Variants in ACAP2 observed in about 807,000 individuals in gnomAD.
ACAP2 encodes arf-GAP with coiled-coil, ANK repeat and PH domain-containing protein 2.
ACAP2 carries 39 observed loss-of-function variants against 115.8 expected under a neutral mutation model. The ratio of observed to expected loss-of-function variants is 0.34; its 90% CI spans 0.26 to 0.44. ACAP2 has a LOEUF of 0.44. Among genes scored for constraint, ACAP2 ranks in the 20% least tolerant of loss-of-function variants. The pLI is 1.00. For synonymous variants in ACAP2, 289 were observed against 315.8 expected (o/e 0.92, Z 0.90); for missense variants, 662 against 927.6 (o/e 0.71, Z 3.72).
intron 1 of ACAP2, among the ~76,000 whole-genome samples, chr3:195,424,541 C>T (rs1162909526): frequency 2.0e-5 from 3 of 151,290 alleles, no homozygotes; most frequent in South Asian, 2.1e-4. Flanking sequence ...TCAGACAATC[C>T]GCCTGCTTCG....
intron 1 of ACAP2, among the ~76,000 whole-genome samples, chr3:195,415,954 C>G (rs1028009812): frequency 6.6e-6 from 1 of 151,362 alleles, no homozygotes; most frequent in Admixed American, 6.6e-5. Context: ...TTCTACAAAT[C>G]AAAAAGAAAT....
intron 11 of ACAP2, among the ~76,000 whole-genome samples, chr3:195,307,918 C>G (rs566692133): frequency 6.6e-5 from 10 of 152,250 alleles, no homozygotes; most frequent in African/African-American, 2.4e-4. Context: ...CATATTGTGT[C>G]ATCTCAAGAG....
chr3:195,409,163 C>T (rs1298126375), intron 1 of ACAP2, among the ~76,000 whole-genome samples: 1 of 150,618 alleles, frequency 6.6e-6, no homozygotes, highest in African/African-American at 2.4e-5. Flanking sequence ...TGTTTACAGA[C>T]AATATGACCT....
At chr3:195,385,175 G>A (rs529476581) in intron 2 of ACAP2, among the ~76,000 whole-genome samples, 13 of 151,988 alleles carry the variant, frequency 8.6e-5, no homozygotes, top group African/African-American at 3.1e-4. Context: ...TACTTTGGGA[G>A]GCCAAGATGG....
intron 8 of ACAP2, among the ~76,000 whole-genome samples, chr3:195,328,185 G>A (rs941875964): frequency 2.6e-5 from 4 of 151,942 alleles, no homozygotes; most frequent in African/African-American, 9.7e-5. Flanking sequence ...ACCTCTAAAT[G>A]ATTAACACAT....
intron 9 of ACAP2, among the ~76,000 whole-genome samples, 182 bp from the exon 10 acceptor site, chr3:195,320,995 TTAAAG>T (rs1347307464): frequency 5.9e-5 from 9 of 152,154 alleles, no homozygotes; most frequent in African/African-American, 2.2e-4. Flanking sequence ...TTTCAATACA[TTAAAG>T]TATTTGACTT....
intron 2 of ACAP2, among the ~76,000 whole-genome samples, chr3:195,387,306 T>C (rs1734370150): frequency 6.6e-6 from 1 of 152,192 alleles, no homozygotes; most frequent in Non-Finnish European, 1.5e-5. Flanking sequence ...ATTCAACAAC[T>C]TTTTACTAAG....
chr3:195,420,122 T>C (rs921849512), intron 1 of ACAP2, among the ~76,000 whole-genome samples: 2 of 145,662 alleles, frequency 1.4e-5, no homozygotes, highest in Non-Finnish European at 3.0e-5. Flanking sequence ...ATTTCCCCCT[T>C]TCTGTCAAGT....
intron 1 of ACAP2, among the ~76,000 whole-genome samples, chr3:195,430,873 C>G (rs62288441): frequency 0.24 from 36,503 of 152,110 alleles, 5,129 homozygotes; most frequent in East Asian, 0.72. Flanking sequence ...ACGCTTCAAA[C>G]CTTTTTCAGT....
intron 20 of ACAP2, among the ~76,000 whole-genome samples, chr3:195,291,220 T>TA (rs1318372999): frequency 3.9e-5 from 6 of 152,344 alleles, no homozygotes; most frequent in African/African-American, 9.6e-5. Flanking sequence ...CTGTGAATCT[T>TA]ACTATCGCTC....
chr3:195,400,060 C>A (rs1712145695), intron 1 of ACAP2, among the ~76,000 whole-genome samples: 1 of 151,822 alleles, frequency 6.6e-6, no homozygotes, highest in Admixed American at 6.6e-5. Flanking sequence ...TGCCTGTAAT[C>A]CCAGCTACTC....
chr3:195,395,938 T>C (rs113610849), intron 1 of ACAP2, among the ~76,000 whole-genome samples: 3 of 152,248 alleles, frequency 2.0e-5, no homozygotes, highest in South Asian at 4.1e-4. Flanking sequence ...AATTGAAAAA[T>C]AGTTACCTAA....
chr3:195,436,419 C>T (rs1025853165), intron 1 of ACAP2, among the ~76,000 whole-genome samples: 4 of 152,106 alleles, frequency 2.6e-5, no homozygotes, highest in Non-Finnish European at 5.9e-5. Flanking sequence ...CAGGAGTGAG[C>T]CACCATGCCC....
intron 21 of ACAP2, among the ~76,000 whole-genome samples, chr3:195,288,904 G>C (rs1469578079): frequency 6.6e-6 from 1 of 152,120 alleles, no homozygotes; most frequent in African/African-American, 2.4e-5. Flanking sequence ...TACATAGATA[G>C]CATTTCCATT....
At position 195,292,415 on chromosome 3, in the gene ACAP2, C is replaced by T. The variant is rs757551361; in HGVS notation, c.1803G>A (p.Ser601=). 13 of 1,611,092 alleles carry T rather than the reference C, an allele frequency of 8.1e-6. No individual in the cohort carries two copies. Among genetic ancestry groups the T allele is most frequent in the Admixed American group, 1.7e-5 (1 of 59,132 alleles). The part of the protein sequence containing the change: ...ERQDSSMFLD[S]KHLNPGLQLY... ...GCTGAAGTCCTGGATTAAGATGTTTCGAGTCAAGAAACATAGAAGAATCTT... is the reference window on the plus strand; with the variant it reads ...GCTGAAGTCCTGGATTAAGATGTTTTGAGTCAAGAAACATAGAAGAATCTT... Residue 601 remains serine (S), a synonymous_variant, in exon 19 of 23, where the codon TCG becomes TCA. Transcript: ENST00000326793.
rs1244025898 is a variant in ACAP2 at position 195,338,046 on chromosome 3, ATC to A, written c.529-1072_529-1071del. On this transcript the variant is annotated intron_variant, in intron 6 of 22. Coordinates refer to ENST00000326793, the MANE Select transcript of ACAP2 (RefSeq NM_012287.6). ...GTTCCGCCCAGATGGGTATCAGGCT[ATC>A]TCCTACCAATCAGGTCTCAAATACC... Among the ~76,000 whole-genome samples, 3 of 151,260 alleles carry A rather than the reference ATC, an allele frequency of 2.0e-5. No homozygotes were observed. The East Asian group carries it at 6.0e-4, about 30-fold the overall frequency.
At chr3:195,370,257 T>C (rs1009226019) in intron 4 of ACAP2, among the ~76,000 whole-genome samples, 7 of 152,306 alleles carry the variant, frequency 4.6e-5, no homozygotes, top group Admixed American at 2.0e-4. Context: ...AAGGTCCCAA[T>C]TGTCAATTTT....
rs533081126 is a variant in ACAP2 at position 195,417,056 on chromosome 3, T to C, written c.54-24909A>G. ...CCGCCTGAATACCTGGGACTACAGCTGGGCATCACAATGCCTGGCTAATTT... is the reference window on the plus strand; with the variant it reads ...CCGCCTGAATACCTGGGACTACAGCCGGGCATCACAATGCCTGGCTAATTT... On this transcript the variant is annotated intron_variant, in intron 1 of 22. Transcript: ENST00000326793. 1.7e-4 allele frequency among the ~76,000 whole-genome samples: 26 copies of C among 150,354 alleles called. 1 individual carries two copies. The East Asian group carries it at 4.9e-3, about 28-fold the overall frequency.
chr3:195,413,751 T>C (rs1340936772), intron 1 of ACAP2, among the ~76,000 whole-genome samples: 1 of 151,768 alleles, frequency 6.6e-6, no homozygotes, highest in Non-Finnish European at 1.5e-5. Context: ...TCTCTGTCTC[T>C]CAAAACAAAA....
Sources: allele counts gnomAD v4.1 joint callset (sites outside exome capture counted in the v4.1 genomes callset), GRCh38; gene constraint gnomAD v4.1.1; transcripts MANE v1.5; gene names NCBI Gene and HGNC (gene_info 2026-07-23, HGNC 2026-07-21).